Variants in NAB1 observed in about 807,000 individuals in gnomAD.
NAB1 encodes the protein NGFI-A binding protein 1.
A neutral mutation model predicts 49.9 loss-of-function variants in NAB1; 25 were observed. The observed-to-expected ratio is 0.50, with a 90% confidence interval of 0.37 to 0.70. The LOEUF (loss-of-function observed/expected upper bound fraction) is 0.70. NAB1 is among the 30% of genes least tolerant of loss of function. The probability of loss-of-function intolerance (pLI) is 0.00; values close to 1 mark genes in which losing one functional copy is unlikely to be tolerated. For missense variants in NAB1, 489 were observed against 575.9 expected (o/e 0.85, Z 1.54); for synonymous variants, 198 against 215.6 (o/e 0.92, Z 0.71).
chr2:190,648,920 G>A (rs1425390910), upstream of NAB1: 2 of 150,140 alleles, frequency 1.3e-5, no homozygotes, highest in Non-Finnish European at 3.0e-5. Context: ...GTGGGCGGGA[G>A]CCGGAGCGGC....
rs1400270447 is a variant in NAB1 at position 190,679,301 on chromosome 2, C to T, written c.1006-4437C>T. On this transcript the variant is annotated intron_variant, in intron 6 of 9. Transcript: ENST00000337386. The surrounding 1 kb of genome is among the most constrained non-coding windows in gnomAD (Gnocchi z 5.3). ...TATGTGACATGCAGTGATAGCTACT[C>T]GATTTTGTAGTTTTTCCATCCACAG... is the stretch of plus-strand genomic sequence containing the variant. 6.6e-6 allele frequency among the ~76,000 whole-genome samples: 1 copy of T among 152,134 alleles called. No individual in the cohort carries two copies. Among genetic ancestry groups the T allele is most frequent in the Non-Finnish European group, 1.5e-5 (1 of 68,040 alleles).
rs1695040856 is a variant in NAB1, at chr2:190,675,815, A to T, written c.1005+2663A>T. 6.6e-6 allele frequency among the ~76,000 whole-genome samples: 1 copy of T among 152,154 alleles called. No homozygotes were observed. Among genetic ancestry groups the T allele is most frequent in the African/African-American group, 2.4e-5 (1 of 41,436 alleles). On this transcript the variant is annotated intron_variant, in intron 6 of 9. Transcript: ENST00000337386. This position sits in a 1 kb window ranked among gnomAD's most constrained non-coding sequence, Gnocchi z 5.2. Reference sequence around the variant, plus strand: ...TAATTTTGTTCTGTTCCTCTTTCTTAAAAAGCACTTGTGTATTGCAGGTCA... The same window carrying T: ...TAATTTTGTTCTGTTCCTCTTTCTTTAAAAGCACTTGTGTATTGCAGGTCA...
In NAB1 at chr2:190,686,119, C is replaced by T. The variant is rs1348579580; in HGVS notation, c.1258+481C>T. 1.3e-5 allele frequency among the ~76,000 whole-genome samples: 2 copies of T among 152,174 alleles called. No homozygotes were observed. Among genetic ancestry groups the T allele is most frequent in the Non-Finnish European group, 2.9e-5 (2 of 68,026 alleles). On this transcript the variant is annotated intron_variant, in intron 8 of 9. Coordinates refer to ENST00000337386, the MANE Select transcript of NAB1 (RefSeq NM_005966.4). This position sits in a 1 kb window ranked among gnomAD's most constrained non-coding sequence, Gnocchi z 5.5. ...GCCATGTGATTCGTGAGTGTTTTTA[C>T]CATTCTAAAAAGTACTTCATTCTTT...
rs558303877 is a variant in NAB1 at position 190,687,528 on chromosome 2, G to A, written c.1375+211G>A. On this transcript the variant is annotated intron_variant, in intron 9 of 9. Transcript: ENST00000337386. ...TCAGAATGACACTCAAAGGAAACCC[G>A]CATTAGAACATTTCAGATTTGGGAT... 2.6e-4 allele frequency among the ~76,000 whole-genome samples: 40 copies of A among 151,794 alleles called. 1 individual carries two copies. The South Asian group carries it at 4.6e-3, about 17-fold the overall frequency.
rs1198476189 is a variant in NAB1, at chr2:190,670,830, A to G, written c.953+371A>G. On this transcript the variant is annotated intron_variant, in intron 5 of 9. Coordinates refer to ENST00000337386, the MANE Select transcript of NAB1 (RefSeq NM_005966.4). The surrounding 1 kb of genome is among the most constrained non-coding windows in gnomAD (Gnocchi z 5.3). ...ACTTGTTGAACTCTGAGGAAATAGA[A>G]TGGTCCTTTTTGCAAGGTGTTTGAA... Among the ~76,000 whole-genome samples, 1 of 150,042 alleles carries G rather than the reference A, an allele frequency of 6.7e-6. No individual in the cohort carries two copies. The highest frequency in any genetic ancestry group is 2.1e-4 in the East Asian group (1 of 4,844).
chr2:190,670,243 A>T lies in NAB1; in HGVS notation c.820-83A>T. On this transcript the variant is annotated intron_variant, in intron 4 of 9. Coordinates refer to ENST00000337386, the MANE Select transcript of NAB1 (RefSeq NM_005966.4). The surrounding 1 kb of genome is among the most constrained non-coding windows in gnomAD (Gnocchi z 5.3). The stretch of plus-strand genomic sequence containing the variant: ...TGATTCCATTATATAATGGTGTAAC[A>T]TTCTTATATTTTAAGTGAAACCTTT... 15 of 1,280,962 alleles carry T rather than the reference A, an allele frequency of 1.2e-5. No individual in the cohort carries two copies. The highest frequency in any genetic ancestry group is 1.6e-5 in the Non-Finnish European group (15 of 919,990). The allele number at this position is 1,280,962 out of a possible 1,614,324, so 79.3% of individuals were successfully genotyped here.
At chr2:190,653,533 C>T (rs1693772477) in intron 2 of NAB1, among the ~76,000 whole-genome samples, 1 of 152,052 alleles carries the variant, frequency 6.6e-6, no homozygotes, top group Non-Finnish European at 1.5e-5. Context: ...GGATTTTGCC[C>T]GTGGTTTCTT....
intron 2 of NAB1, among the ~76,000 whole-genome samples, chr2:190,655,581 A>G (rs563259520): frequency 1.3e-5 from 2 of 152,332 alleles, no homozygotes; most frequent in Non-Finnish European, 2.9e-5. Context: ...AGAGGCCCAG[A>G]GTTTTGATAG....
intron 9 of NAB1, among the ~76,000 whole-genome samples, chr2:190,687,849 A>T (rs4853515): frequency 6.6e-6 from 1 of 152,058 alleles, no homozygotes. Flanking sequence ...TTGTGTTACT[A>T]CCTTTTTTGG....
Position 190,690,426 on chromosome 2 carries a change from A to G in NAB1, c.*93A>G, listed in dbSNP as rs1695897450. ...AAGCCTTAATAACCAGTGTTGCCTC[A>G]TTCAGCTCAAACAGATTTCATAGCC... is the stretch of plus-strand genomic sequence containing the variant. On this transcript the variant is annotated 3_prime_UTR_variant, in exon 10 of 10. Transcript: ENST00000337386. The G allele has an allele frequency of 1.0e-6, 1 of 978,254 alleles. No homozygotes were observed. The highest frequency in any genetic ancestry group is 1.6e-6 in the Non-Finnish European group (1 of 622,028). 60.6% of individuals were successfully genotyped at this position (978,254 alleles called of 1,614,324 possible). A position where few individuals can be genotyped will look rare whatever the true frequency, so the allele number is the denominator to read the frequency against.
rs1693810146 is a variant in NAB1 at position 190,654,226 on chromosome 2, C to T, written c.-196-1751C>T. On this transcript the variant is annotated intron_variant, in intron 2 of 9. Coordinates refer to ENST00000337386, the MANE Select transcript of NAB1 (RefSeq NM_005966.4). The surrounding 1 kb of genome is among the most constrained non-coding windows in gnomAD (Gnocchi z 5.6). The stretch of plus-strand genomic sequence containing the variant: ...CTGCAGAGCCAGGCAGGTTGCCTTC[C>T]TTGTGCCATGACTCCTTCACAGCTG... Among the ~76,000 whole-genome samples, 1 of 152,212 alleles carries T rather than the reference C, an allele frequency of 6.6e-6. No homozygotes were observed. The highest frequency in any genetic ancestry group is 1.5e-5 in the Non-Finnish European group (1 of 68,018).
In NAB1 at chr2:190,659,889, T is replaced by C; in HGVS notation, c.713T>C (p.Met238Thr). 1.2e-6 allele frequency: 2 copies of C among 1,614,140 alleles called. No individual in the cohort carries two copies. Among genetic ancestry groups the C allele is most frequent in the Non-Finnish European group, 1.7e-6 (2 of 1,180,014 alleles). ...LAKMIGHIFE[M>T]NDDDPHKEEE... ...AAAATGATTGGTCACATCTTTGAGA[T>C]GAACGATGATGATCCACACAAAGAG... is the stretch of plus-strand genomic sequence containing the variant. The change falls in exon 4 of 10, where the codon ATG becomes ACG. Residue 238 changes from methionine to threonine, a missense_variant. By Grantham distance (81) the Met-to-Thr change is moderately conservative. This residue lies in a region of NAB1 where 204 missense variants were observed against 220.9 expected (regional missense o/e 0.92). Coordinates refer to ENST00000337386, the MANE Select transcript of NAB1 (RefSeq NM_005966.4). The surrounding 1 kb of genome is among the most constrained non-coding windows in gnomAD (Gnocchi z 6.2).
chr2:190,670,179 A>G lies in NAB1; in HGVS notation c.820-147A>G. On this transcript the variant is annotated intron_variant, in intron 4 of 9. Coordinates refer to ENST00000337386, the MANE Select transcript of NAB1 (RefSeq NM_005966.4). This position sits in a 1 kb window ranked among gnomAD's most constrained non-coding sequence, Gnocchi z 5.3. The stretch of plus-strand genomic sequence containing the variant: ...TTTCTTCTGAAATTCGGCATTAGGA[A>G]TAATTAGGAATAAATACCATTCTGA... 1.3e-6 allele frequency: 1 copy of G among 775,620 alleles called. No individual in the cohort carries two copies. The highest frequency in any genetic ancestry group is 1.9e-6 in the Non-Finnish European group (1 of 532,646). The allele number at this position is 775,620 out of a possible 1,614,324, so 48.0% of individuals were successfully genotyped here.
chr2:190,670,449 A>C lies in NAB1; in HGVS notation c.943A>C (p.Arg315=), dbSNP rs1316225392. Residue 315 remains arginine (R), a synonymous_variant, in exon 5 of 10, where the codon AGA becomes CGA. Coordinates refer to ENST00000337386, the MANE Select transcript of NAB1 (RefSeq NM_005966.4). This position sits in a 1 kb window ranked among gnomAD's most constrained non-coding sequence, Gnocchi z 5.3. ...AGAAGTCACCTATAAATATACTTAC[A>C]GAACCACCAAGTAAGTATTTAACTA... ...SREVTYKYTY[R]TTKSKCGERD... 6.2e-7 allele frequency: 1 copy of C among 1,613,472 alleles called. No homozygotes were observed. The highest frequency in any genetic ancestry group is 1.3e-5 in the African/African-American group (1 of 75,024).
At position 190,653,314 on chromosome 2, in the gene NAB1, T is replaced by C. The variant is rs182119911; in HGVS notation, c.-196-2663T>C. The stretch of plus-strand genomic sequence containing the variant: ...TCATTAATGTGCATCAGATCTTGTC[T>C]AGATGTTAAGAAGAAAACAATCTGA... On this transcript the variant is annotated intron_variant, in intron 2 of 9. Coordinates refer to ENST00000337386, the MANE Select transcript of NAB1 (RefSeq NM_005966.4). Among the ~76,000 whole-genome samples, 184 of 152,342 alleles carry C rather than the reference T, an allele frequency of 1.2e-3. 1 individual carries two copies. The highest frequency in any genetic ancestry group is 0.01 in the Middle Eastern group (3 of 294).
Position 190,670,265 on chromosome 2 carries a change from C to A in NAB1, c.820-61C>A. ...AACATTCTTATATTTTAAGTGAAAC[C>A]TTTTGCATTTTGATGAAATTAAAAT... On this transcript the variant is annotated intron_variant, in intron 4 of 9. Transcript: ENST00000337386. This position sits in a 1 kb window ranked among gnomAD's most constrained non-coding sequence, Gnocchi z 5.3. 6.8e-7 allele frequency: 1 copy of A among 1,468,780 alleles called. No individual in the cohort carries two copies. Among genetic ancestry groups the A allele is most frequent in the South Asian group, 1.3e-5 (1 of 78,386 alleles). 91.0% of individuals were successfully genotyped at this position (1,468,780 alleles called of 1,614,324 possible).
At chr2:190,673,676 T>C (rs966666695) in intron 6 of NAB1, among the ~76,000 whole-genome samples, 2 of 152,242 alleles carry the variant, frequency 1.3e-5, no homozygotes, top group African/African-American at 4.8e-5. Flanking sequence ...CGTTTCTTTA[T>C]ATTAACTATC....
rs1312233780 is a variant in NAB1, at chr2:190,666,307, T to G, written c.820-4019T>G. ...CATTTAATTGTTGGAGATTATAATT[T>G]TAACAACCTGTAAAGAAAGTTTTTT... On this transcript the variant is annotated intron_variant, in intron 4 of 9. Transcript: ENST00000337386. This position sits in a 1 kb window ranked among gnomAD's most constrained non-coding sequence, Gnocchi z 5.6. Among the ~76,000 whole-genome samples the G allele has an allele frequency of 6.6e-6, 1 of 152,154 alleles. No individual in the cohort carries two copies.
rs1695621312 is a variant in NAB1, at chr2:190,686,643, T to C, written c.1259-558T>C. Among the ~76,000 whole-genome samples the C allele has an allele frequency of 6.6e-6, 1 of 152,228 alleles. No homozygotes were observed. The highest frequency in any genetic ancestry group is 1.5e-5 in the Non-Finnish European group (1 of 68,034). On this transcript the variant is annotated intron_variant, in intron 8 of 9. Transcript: ENST00000337386. The surrounding 1 kb of genome is among the most constrained non-coding windows in gnomAD (Gnocchi z 5.5). ...GAAGCAAAGGCAATTATTAAAGATTTGGTGACTCTAATTTGTGACACCAGG... is the reference window on the plus strand; with the variant it reads ...GAAGCAAAGGCAATTATTAAAGATTCGGTGACTCTAATTTGTGACACCAGG...
Sources: allele counts gnomAD v4.1 joint callset (sites outside exome capture counted in the v4.1 genomes callset), GRCh38; gene constraint gnomAD v4.1.1; regional missense constraint gnomAD v4.1.1; non-coding constraint Gnocchi (gnomAD v3.1); transcripts MANE v1.5; gene names NCBI Gene and HGNC (gene_info 2026-07-23, HGNC 2026-07-21).